Variants in OR10R2 observed in about 807,000 individuals in gnomAD.
OR10R2 encodes the protein olfactory receptor 10R2.
Under a neutral mutation model 2.4 loss-of-function variants are expected in OR10R2, and 1 was observed. The ratio of observed to expected loss-of-function variants is 0.41; its 90% CI spans 0.15 to 1.95. The LOEUF is 1.95. Among genes scored for constraint, OR10R2 ranks in the 30% most tolerant of loss-of-function variants. The pLI, the probability that OR10R2 is intolerant of heterozygous loss-of-function variation, is 0.30. For missense variants in OR10R2, 419 were observed against 373.0 expected, an observed-to-expected ratio of 1.12 and a Z score of -1.01; for synonymous variants, 166 against 144.8, an observed-to-expected ratio of 1.15 and a Z score of -1.05.
intron 1 of OR10R2, among the ~76,000 whole-genome samples, chr1:158,477,608 G>T (rs927429027): frequency 3.9e-5 from 6 of 151,948 alleles, no homozygotes; most frequent in South Asian, 2.1e-4. Context: ...GAGGAGAAAG[G>T]TCTCTACAAG....
chr1:158,480,446 G>A, exon 2 of OR10R2: 1 of 1,613,954 alleles, frequency 6.2e-7, no homozygotes, highest in Non-Finnish European at 8.5e-7. Context: ...CCTTTTTGTA[G>A]CGCCAACAAA....
chr1:158,475,363 T>C (rs565194529), intron 1 of OR10R2, among the ~76,000 whole-genome samples: 141 of 152,220 alleles, frequency 9.3e-4, no homozygotes, highest in African/African-American at 3.1e-3. Context: ...CTAAATTTCT[T>C]GGCATAAACA....
chr1:158,477,535 G>C (rs1656293384), intron 1 of OR10R2, among the ~76,000 whole-genome samples: 1 of 151,918 alleles, frequency 6.6e-6, no homozygotes, highest in African/African-American at 2.4e-5. Context: ...GTCAAATCAA[G>C]AACACAATTA....
chr1:158,472,879 A>G (rs1310855354), intron 1 of OR10R2, among the ~76,000 whole-genome samples: 1 of 152,206 alleles, frequency 6.6e-6, no homozygotes, highest in African/African-American at 2.4e-5. Context: ...GAAGGAAGAA[A>G]GGAAAGAAAT....
intron 1 of OR10R2, among the ~76,000 whole-genome samples, chr1:158,474,900 G>C (rs1169248185): frequency 6.6e-6 from 1 of 151,884 alleles, no homozygotes; most frequent in Non-Finnish European, 1.5e-5. Flanking sequence ...CAAAATCACT[G>C]TCTTAAAACG....
At chr1:158,480,145 G>C (rs1248869839) in exon 2 of OR10R2, 1 of 1,613,946 alleles carries the variant, frequency 6.2e-7, no homozygotes. Context: ...CTCAACATCT[G>C]AGACCTTCTA....
intron 1 of OR10R2, among the ~76,000 whole-genome samples, chr1:158,477,720 C>T (rs888485076): frequency 1.4e-4 from 21 of 152,002 alleles, no homozygotes; most frequent in African/African-American, 3.6e-4. Context: ...TTAAAATGGC[C>T]GTACTGTCAA....
chr1:158,473,579 A>G (rs1025436197), intron 1 of OR10R2, among the ~76,000 whole-genome samples: 3 of 152,242 alleles, frequency 2.0e-5, no homozygotes, highest in African/African-American at 7.2e-5. Context: ...TGTTGTTATA[A>G]GACATGGCTC....
chr1:158,473,620 T>C (rs955549712), intron 1 of OR10R2, among the ~76,000 whole-genome samples: 3 of 152,210 alleles, frequency 2.0e-5, no homozygotes, highest in East Asian at 1.9e-4. Flanking sequence ...AGAAGTTCCA[T>C]AAGATTAAAA....
chr1:158,480,855 C>T, exon 2 of OR10R2: 1 of 1,541,646 alleles, frequency 6.5e-7, no homozygotes, highest in Non-Finnish European at 8.8e-7. Flanking sequence ...AAGTGTTGGG[C>T]AAGAAAGGTT....
At chr1:158,480,323 C>G (rs1287248576) in exon 2 of OR10R2, 1 of 1,614,110 alleles carries the variant, frequency 6.2e-7, no homozygotes. Flanking sequence ...ATTTGTCACC[C>G]TCTGCATTAC....
At chr1:158,479,184 G>A (rs1273709053) in intron 1 of OR10R2, among the ~76,000 whole-genome samples, 1 of 152,078 alleles carries the variant, frequency 6.6e-6, no homozygotes, top group Non-Finnish European at 1.5e-5. Context: ...TCTATTTAGT[G>A]ATTAAACTAG....
intron 1 of OR10R2, among the ~76,000 whole-genome samples, chr1:158,479,690 A>G (rs1214533253): frequency 6.6e-6 from 1 of 152,154 alleles, no homozygotes; most frequent in African/African-American, 2.4e-5. Flanking sequence ...GGCCCAAAGT[A>G]ATCATAAGGG....
chr1:158,480,818 A>G (rs1341827066), exon 2 of OR10R2: 3 of 1,606,796 alleles, frequency 1.9e-6, no homozygotes, highest in Admixed American at 1.7e-5. Flanking sequence ...AGCCTCAGAA[A>G]CAAGGATGTC....
At chr1:158,477,267 A>G (rs1402354670) in intron 1 of OR10R2, among the ~76,000 whole-genome samples, 1 of 152,210 alleles carries the variant, frequency 6.6e-6, no homozygotes, top group East Asian at 1.9e-4. Context: ...ATTCTTGAGA[A>G]CTGAAACAAC....
chr1:158,479,967 C>T (rs374772772), exon 2 of OR10R2: 90 of 1,613,752 alleles, frequency 5.6e-5, no homozygotes, highest in East Asian at 1.1e-4. Flanking sequence ...CCATGGTCAC[C>T]GAATTCCTGT....
chr1:158,477,122 T>A (rs1278040833), intron 1 of OR10R2, among the ~76,000 whole-genome samples: 1 of 152,166 alleles, frequency 6.6e-6, no homozygotes, highest in Admixed American at 6.5e-5. Flanking sequence ...CAGAAAATTT[T>A]CAATAAAATC....
At chr1:158,473,567 A>G (rs990843429) in intron 1 of OR10R2, among the ~76,000 whole-genome samples, 1 of 152,218 alleles carries the variant, frequency 6.6e-6, no homozygotes, top group Admixed American at 6.5e-5. Context: ...AGGAAAAGGC[A>G]TTGTTGTTAT....
Position 158,480,747 on chromosome 1 carries a change from A to G in OR10R2, c.837A>G (p.Lys279=), listed in dbSNP as rs770331826. The change falls in exon 2 of 2, where the codon AAA becomes AAG. Residue 279 remains lysine (K), a synonymous_variant. Transcript: ENST00000641067. ...CTACAGCAAACTATGTGTCCAACAAAGACAGGCTGGTGACGGTGACATACA... is the reference window on the plus strand; with the variant it reads ...CTACAGCAAACTATGTGTCCAACAAGGACAGGCTGGTGACGGTGACATACA... The G allele has an allele frequency of 4.1e-5, 66 of 1,613,640 alleles. No homozygotes were observed. In the Admixed American group the frequency reaches 1.1e-3, roughly 27 times the overall value.
Sources: allele counts gnomAD v4.1 joint callset (sites outside exome capture counted in the v4.1 genomes callset), GRCh38; gene constraint gnomAD v4.1.1; transcripts MANE v1.5; gene names NCBI Gene and HGNC (gene_info 2026-07-23, HGNC 2026-07-21).